The following PDE4C variants were observed in gnomAD, a reference collection of about 807,000 sequenced individuals.
PDE4C encodes the protein phosphodiesterase 4C, also known as 3',5'-cyclic-AMP phosphodiesterase 4C.
In PDE4C, 50 loss-of-function variants were observed where a neutral mutation model predicts 63.9. The observed-to-expected ratio is 0.78, with a 90% CI of 0.62 to 0.99. The LOEUF (loss-of-function observed/expected upper bound fraction) is 0.99, where lower values mean the gene tolerates loss of function less well. Among genes scored for constraint, PDE4C ranks in the 50% least tolerant of loss-of-function variants. The pLI is 0.00. For synonymous variants in PDE4C, 377 were observed against 385.1 expected, an observed-to-expected ratio of 0.98 and a Z score of 0.25; for missense variants, 777 against 899.1, an observed-to-expected ratio of 0.86 and a Z score of 1.74.
In PDE4C at chr19:18,214,129, G is replaced by A. The variant is rs559113508; in HGVS notation, c.1390-639C>T. On this transcript the variant is annotated intron_variant, in intron 12 of 14. Coordinates refer to ENST00000262805, the Ensembl canonical transcript of PDE4C. ...AAAAGTTAGCCTGGCATGGTGGTGGGCACCGGTAGTCCCAGCTACTCGGAA... is the reference window on the plus strand; with the variant it reads ...AAAAGTTAGCCTGGCATGGTGGTGGACACCGGTAGTCCCAGCTACTCGGAA... Among the ~76,000 whole-genome samples, 5 of 152,038 alleles carry A rather than the reference G, an allele frequency of 3.3e-5. No individual in the cohort carries two copies. In the East Asian group the frequency reaches 7.7e-4, roughly 24 times the overall value.
chr19:18,243,795 G>A (rs565567574), intron 1 of PDE4C, among the ~76,000 whole-genome samples: 1 of 152,250 alleles, frequency 6.6e-6, no homozygotes, highest in South Asian at 2.1e-4. Flanking sequence ...ACTAGGGATG[G>A]GGTATAGTGG....
In PDE4C at chr19:18,220,589, C is replaced by T. The variant is rs1026116313; in HGVS notation, c.500-74G>A. On this transcript the variant is annotated intron_variant, in intron 5 of 14. Transcript: ENST00000262805. The surrounding 1 kb of genome is among the most constrained non-coding windows in gnomAD (Gnocchi z 5.1). ...CCCCACGCCTCTCGCGACTTCGTCTCTTCATCTGGACCCTGAAACTGTTCC... is the reference window on the plus strand; with the variant it reads ...CCCCACGCCTCTCGCGACTTCGTCTTTTCATCTGGACCCTGAAACTGTTCC... 15 of 1,305,564 alleles carry T rather than the reference C, an allele frequency of 1.1e-5. No homozygotes were observed. The highest frequency in any genetic ancestry group is 1.5e-5 in the Non-Finnish European group (14 of 927,460). 80.9% of individuals were successfully genotyped at this position (1,305,564 alleles called of 1,614,324 possible).
chr19:18,244,981 G>A (rs762300362), intron 1 of PDE4C, among the ~76,000 whole-genome samples: 13 of 151,908 alleles, frequency 8.6e-5, no homozygotes, highest in Non-Finnish European at 1.6e-4. Context: ...GACTGCAGGC[G>A]CGTGCCACCA....
At position 18,216,905 on chromosome 19, in the gene PDE4C, T is replaced by C. The variant is rs775310045; in HGVS notation, c.1235-10A>G. 4.4e-6 allele frequency: 7 copies of C among 1,597,606 alleles called. No individual in the cohort carries two copies. The highest frequency in any genetic ancestry group is 1.3e-5 in the African/African-American group (1 of 74,326). ...AGCGCCAGCTCTGAGTCTGTGAGGG[T>C]ATGGGACTGAGAGCCCCAAGATCCA... On this transcript the variant is annotated splice_polypyrimidine_tract_variant and intron_variant, in intron 11 of 14. Transcript: ENST00000262805.
chr19:18,212,229 G>C (rs1328446830), intron 13 of PDE4C, among the ~76,000 whole-genome samples: 3 of 151,798 alleles, frequency 2.0e-5, no homozygotes, highest in Admixed American at 2.0e-4. Context: ...TGTGACCCTG[G>C]CTGGAGTGCA....
chr19:18,245,143 GTTTTT>G (rs768170822), intron 1 of PDE4C, among the ~76,000 whole-genome samples: 1 of 127,874 alleles, frequency 7.8e-6, no homozygotes, highest in Admixed American at 8.1e-5. Context: ...CCTGTTGTTG[GTTTTT>G]TGTTTGTTTG....
intron 2 of PDE4C, 145 bp from the exon 3 acceptor site, chr19:18,221,442 C>A: frequency 1.4e-6 from 1 of 705,648 alleles, no homozygotes; most frequent in Non-Finnish European, 2.3e-6. Flanking sequence ...TCATGCGACT[C>A]TCCCTGAGAC....
rs147127411 is a variant in PDE4C, at chr19:18,239,441, G to A, written c.-209-6041C>T. Reference sequence around the variant, plus strand: ...CCAGGCCACGTGGTCCAGGGCAAGCGGCCTCAGTTTGCCCATCTGGGAAAT... The same window carrying A: ...CCAGGCCACGTGGTCCAGGGCAAGCAGCCTCAGTTTGCCCATCTGGGAAAT... On this transcript the variant is annotated intron_variant, in intron 1 of 15. Transcript: ENST00000594617. Among the ~76,000 whole-genome samples, 93 of 152,290 alleles carry A rather than the reference G, an allele frequency of 6.1e-4. 2 individuals carry two copies. In the East Asian group the frequency reaches 0.017, roughly 27 times the overall value.
At chr19:18,248,834 C>A (rs1186106907), upstream of PDE4C, among the ~76,000 whole-genome samples, 1 of 146,924 alleles carries the variant, frequency 6.8e-6, no homozygotes, top group Non-Finnish European at 1.5e-5. Context: ...ACCATCCTGG[C>A]CAACATGGTG....
At chr19:18,252,284 C>T (rs921214655), upstream of PDE4C, 7 of 398,924 alleles carry the variant, frequency 1.8e-5, no homozygotes, top group African/African-American at 6.2e-5. Flanking sequence ...AGCTGGGGCT[C>T]GGCTGGATGG....
intron 1 of PDE4C, among the ~76,000 whole-genome samples, chr19:18,243,511 G>GA (rs1186761638): frequency 6.6e-6 from 1 of 151,828 alleles, no homozygotes; most frequent in African/African-American, 2.4e-5. Context: ...GGAAAATTGG[G>GA]GGAAGCACCA....
chr19:18,218,903 G>GC, intron 9 of PDE4C, 37 bp downstream of exon 9: 1 of 1,433,196 alleles, frequency 7.0e-7, no homozygotes, highest in Non-Finnish European at 9.9e-7. Context: ...GGAAACCCCA[G>GC]GAGTTTTTCC....
At chr19:18,230,139 C>T (rs1163629181), upstream of PDE4C, among the ~76,000 whole-genome samples, 4 of 152,150 alleles carry the variant, frequency 2.6e-5, no homozygotes, top group Non-Finnish European at 5.9e-5. Context: ...CTGTGAGTCC[C>T]TGGAGAGCAA....
At chr19:18,221,437 C>A (rs1222336732) in intron 2 of PDE4C, 140 bp from the exon 3 acceptor site, 2 of 765,228 alleles carry the variant, frequency 2.6e-6, no homozygotes, top group South Asian at 3.7e-5. Context: ...TCCCCTCATG[C>A]GACTCTCCCT....
In PDE4C at chr19:18,220,225, C is replaced by T. The variant is rs1370356472; in HGVS notation, c.706+1G>A. 1.2e-6 allele frequency: 2 copies of T among 1,612,906 alleles called. No individual in the cohort carries two copies. The highest frequency in any genetic ancestry group is 1.7e-6 in the Non-Finnish European group (2 of 1,179,040). ...CCAGGCAGTGACTCAACAAAGCTCA[C>T]CCAGGAAGGTCCGGGAGATGTACTC... On this transcript the variant is annotated splice_donor_variant, in intron 7 of 14. Coordinates refer to ENST00000262805, the Ensembl canonical transcript of PDE4C. LOFTEE classifies it high-confidence loss of function. This position sits in a 1 kb window ranked among gnomAD's most constrained non-coding sequence, Gnocchi z 5.1.
chr19:18,235,606 C>A (rs1402670049), upstream of PDE4C, among the ~76,000 whole-genome samples: 1 of 152,154 alleles, frequency 6.6e-6, no homozygotes, highest in Non-Finnish European at 1.5e-5. Context: ...TCCTTGGTCT[C>A]CTTCCACTCC....
chr19:18,213,683 T>C (rs1336083839), intron 12 of PDE4C, among the ~76,000 whole-genome samples, 193 bp from the exon 13 acceptor site: 1 of 152,206 alleles, frequency 6.6e-6, no homozygotes, highest in African/African-American at 2.4e-5. Context: ...GGGCCCCTTT[T>C]GGGAGGTCAT....
chr19:18,221,104 C>T lies in PDE4C; in HGVS notation c.449+1G>A, dbSNP rs1394597640. The T allele has an allele frequency of 7.4e-7, 1 of 1,357,840 alleles. No homozygotes were observed. Among genetic ancestry groups the T allele is most frequent in the Admixed American group, 1.8e-5 (1 of 54,446 alleles). The allele number at this position is 1,357,840 out of a possible 1,614,324, so 84.1% of individuals were successfully genotyped here. On this transcript the variant is annotated splice_donor_variant, in intron 4 of 14. Coordinates refer to ENST00000262805, the Ensembl canonical transcript of PDE4C. LOFTEE classifies it high-confidence loss of function. ...CCCGCCCCGCCCCGCCCTCTACCTA[C>T]TTGGCTGCTCCTAGGCATTGCTGGC... is the stretch of plus-strand genomic sequence containing the variant.
the PDE4C span, chr19:18,255,155 G>A: frequency 2.5e-6 from 1 of 398,224 alleles, no homozygotes; most frequent in Non-Finnish European, 4.4e-6. This position sits in a 1 kb window ranked among gnomAD's most constrained non-coding sequence, Gnocchi z 4.6. Context: ...TGTGTGACTG[G>A]GCTGTGCGTC....
Sources: allele counts gnomAD v4.1 joint callset (sites outside exome capture counted in the v4.1 genomes callset), GRCh38; gene constraint gnomAD v4.1.1; non-coding constraint Gnocchi (gnomAD v3.1); transcripts MANE v1.5; gene names NCBI Gene and HGNC (gene_info 2026-07-23, HGNC 2026-07-21).